Variants in MTOR observed in about 807,000 individuals in gnomAD.
MTOR encodes serine/threonine-protein kinase mTOR.
In MTOR, 70 loss-of-function variants were observed where a neutral mutation model predicts 319.8. That is an observed-to-expected ratio of 0.22 (90% CI 0.18 to 0.27). MTOR has a LOEUF of 0.27. MTOR is among the 10% of genes least tolerant of loss of function. The pLI is 1.00. For synonymous variants in MTOR, 1,183 were observed against 1,211.4 expected, an observed-to-expected ratio of 0.98 and a Z score of 0.49; for missense variants, 1,890 against 3,274.4, an observed-to-expected ratio of 0.58 and a Z score of 10.32.
chr1:11,236,136 CCTTT>C (rs1204788114), intron 13 of MTOR, among the ~76,000 whole-genome samples: 1 of 149,910 alleles, frequency 6.7e-6, no homozygotes, highest in East Asian at 1.9e-4. Context: ...CTTATTTTTT[CCTTT>C]TTTTTTTTTT....
intron 28 of MTOR, among the ~76,000 whole-genome samples, chr1:11,167,913 C>CA (rs1273279870): frequency 6.6e-6 from 1 of 152,000 alleles, no homozygotes; most frequent in South Asian, 2.1e-4. Context: ...ACTAAAAATA[C>CA]AAAAAAATTA....
intron 47 of MTOR, 148 bp downstream of exon 47, chr1:11,124,350 G>GTTTC (rs1642706495): frequency 9.4e-7 from 1 of 1,066,134 alleles, no homozygotes; most frequent in Non-Finnish European, 1.3e-6. Context: ...AACCTCTGGA[G>GTTTC]TTTCTGGGAC....
Position 11,167,560 on chromosome 1 carries a change from G to A in MTOR, c.4254-43C>T, listed in dbSNP as rs754869504. On this transcript the variant is annotated intron_variant, in intron 28 of 57. Coordinates refer to ENST00000361445, the MANE Select transcript of MTOR (RefSeq NM_004958.4). The stretch of plus-strand genomic sequence containing the variant: ...AAAGGTAGTTACACTCAACAGGTCT[G>A]AGGGTAGGAGATGTGGGGGTCATTT... 1.1e-5 allele frequency: 16 copies of A among 1,523,424 alleles called. No individual in the cohort carries two copies. In the Admixed American group the frequency reaches 1.8e-4, roughly 18 times the overall value. The allele number at this position is 1,523,424 out of a possible 1,614,324, so 94.4% of individuals were successfully genotyped here.
Position 11,109,508 on chromosome 1 carries a change from T to C in MTOR, c.7448-138A>G. On this transcript the variant is annotated intron_variant, in intron 55 of 57. Transcript: ENST00000361445. This position sits in a 1 kb window ranked among gnomAD's most constrained non-coding sequence, Gnocchi z 4.0. ...TCTATGTCCGTCTTTGTCCTCAGAATATAATGAGAAATTCATGGAACCTTT... is the reference window on the plus strand; with the variant it reads ...TCTATGTCCGTCTTTGTCCTCAGAACATAATGAGAAATTCATGGAACCTTT... 2 of 1,209,290 alleles carry C rather than the reference T, an allele frequency of 1.7e-6. No homozygotes were observed. Among genetic ancestry groups the C allele is most frequent in the Non-Finnish European group, 2.4e-6 (2 of 833,078 alleles). The allele number at this position is 1,209,290 out of a possible 1,614,324, so 74.9% of individuals were successfully genotyped here. A position where few individuals can be genotyped will look rare whatever the true frequency, so the allele number is the denominator to read the frequency against.
intron 47 of MTOR, among the ~76,000 whole-genome samples, chr1:11,123,797 T>G (rs926042158): frequency 3.2e-4 from 49 of 152,038 alleles, no homozygotes; most frequent in African/African-American, 1.2e-3. Context: ...CTTTAGTTAT[T>G]TATTTTTGAG....
chr1:11,217,664 C>G (rs1351394246), intron 19 of MTOR, among the ~76,000 whole-genome samples: 7 of 151,330 alleles, frequency 4.6e-5, no homozygotes, highest in East Asian at 1.9e-4. Context: ...GCCCGCCTTG[C>G]CCTCCCAAAG....
At chr1:11,235,897 G>A (rs991043068) in intron 13 of MTOR, among the ~76,000 whole-genome samples, 16 of 151,814 alleles carry the variant, frequency 1.1e-4, no homozygotes, top group Admixed American at 5.9e-4. Context: ...CAGGAGAATC[G>A]CTTGAACCTG....
In MTOR at chr1:11,228,596, C is replaced by A. The variant is rs1033324898; in HGVS notation, c.3030+72G>T. 3.2e-6 allele frequency: 5 copies of A among 1,562,714 alleles called. No homozygotes were observed. In the Admixed American group the frequency reaches 7.1e-5, roughly 22 times the overall value. On this transcript the variant is annotated intron_variant, in intron 19 of 57. Transcript: ENST00000361445. ...GCACAGAGAATGCACAATTAAGAAG[C>A]TGAAGCACAGATGGATCTGTGCATG...
At chr1:11,241,796 G>A (rs371731116) in intron 9 of MTOR, 115 bp from the exon 10 acceptor site, 9 of 1,191,686 alleles carry the variant, frequency 7.6e-6, no homozygotes, top group Non-Finnish European at 1.1e-5. Flanking sequence ...ACCACAGATG[G>A]GTATGCAAAT....
intron 18 of MTOR, among the ~76,000 whole-genome samples, chr1:11,229,210 G>A (rs533225004): frequency 6.6e-4 from 101 of 152,136 alleles, no homozygotes; most frequent in African/African-American, 2.3e-3. Context: ...GCTTCTTACC[G>A]TTCACAACTT....
intron 31 of MTOR, among the ~76,000 whole-genome samples, chr1:11,147,644 A>C (rs1348875910): frequency 6.6e-6 from 1 of 152,214 alleles, no homozygotes; most frequent in Non-Finnish European, 1.5e-5. Flanking sequence ...TTTTTGAAAA[A>C]TGTTCCGGAT....
intron 50 of MTOR, 63 bp downstream of exon 50, chr1:11,116,931 AAAACCAAATG>A: frequency 8.5e-7 from 1 of 1,176,492 alleles, no homozygotes; most frequent in Non-Finnish European, 1.2e-6. Flanking sequence ...ATTTAATTGG[AAAACCAAATG>A]AAACCATTCA....
intron 25 of MTOR, among the ~76,000 whole-genome samples, chr1:11,205,999 A>G (rs1291402554): frequency 6.6e-6 from 1 of 152,270 alleles, no homozygotes; most frequent in East Asian, 1.9e-4. Flanking sequence ...GATGAATAGA[A>G]TTAGACAACC....
chr1:11,123,230 CTTAAT>C (rs1642634437), intron 47 of MTOR, among the ~76,000 whole-genome samples: 1 of 152,188 alleles, frequency 6.6e-6, no homozygotes, highest in African/African-American at 2.4e-5. Flanking sequence ...AATTTTATAA[CTTAAT>C]TTTTCATTTT....
At chr1:11,166,707 C>T (rs1156326515) in intron 29 of MTOR, among the ~76,000 whole-genome samples, 1 of 152,132 alleles carries the variant, frequency 6.6e-6, no homozygotes, top group Non-Finnish European at 1.5e-5. Context: ...GGATCTAGAA[C>T]TAGAAATACC....
chr1:11,259,388 C>T lies in MTOR; in HGVS notation c.22G>A (p.Ala8Thr), dbSNP rs748801456. ...GATGTGGTGGCAGCGGTGGTGGCGG[C>T]GGCAGGTCCGGTTCCAAGCATCTTG... MLGTGPAAATTAATTSSN... is the reference protein window; with the variant it reads MLGTGPATATTAATTSSN... Residue 8 changes from alanine to threonine, a missense_variant, in exon 2 of 58, where the codon GCC becomes ACC. This residue lies in a region of MTOR where 85 missense variants were observed against 105.8 expected (regional missense o/e 0.80). Coordinates refer to ENST00000361445, the MANE Select transcript of MTOR (RefSeq NM_004958.4). 3.2e-5 allele frequency: 50 copies of T among 1,586,052 alleles called. No homozygotes were observed. The highest frequency in any genetic ancestry group is 6.8e-5 in the East Asian group (3 of 43,878).
intron 28 of MTOR, among the ~76,000 whole-genome samples, chr1:11,191,892 G>A (rs1645549024): frequency 6.6e-6 from 1 of 152,334 alleles, no homozygotes; most frequent in Middle Eastern, 3.4e-3. Flanking sequence ...TTGTTATAGT[G>A]GCGGCTGTCT....
At chr1:11,170,852 C>T (rs1159699566) in intron 28 of MTOR, among the ~76,000 whole-genome samples, 1 of 151,184 alleles carries the variant, frequency 6.6e-6, no homozygotes, top group Non-Finnish European at 1.5e-5. Flanking sequence ...ACACCACACA[C>T]GCCGGGCGGC....
At chr1:11,254,517 A>C (rs1167280516) in intron 5 of MTOR, among the ~76,000 whole-genome samples, 1 of 152,166 alleles carries the variant, frequency 6.6e-6, no homozygotes, top group Non-Finnish European at 1.5e-5. Context: ...ACACAGGCTC[A>C]AAGAATTTAA....
Sources: gnomAD v4.1 joint callset for allele counts (sites outside exome capture counted in the v4.1 genomes callset) on GRCh38, gnomAD v4.1.1 for gene constraint, gnomAD v4.1.1 regional missense constraint, Gnocchi (gnomAD v3.1) non-coding constraint, MANE v1.5 for transcripts, NCBI Gene and HGNC (gene_info 2026-07-23, HGNC 2026-07-21) for gene names.